Variants in KREMEN1 observed in about 807,000 individuals in gnomAD.
KREMEN1 encodes kremen protein 1.
Under a neutral mutation model 46.5 loss-of-function variants are expected in KREMEN1, and 30 were observed. The observed-to-expected ratio is 0.65, with a 90% CI of 0.48 to 0.88. The LOEUF is 0.88. Among genes scored for constraint, KREMEN1 ranks in the 40% least tolerant of loss-of-function variants. The pLI, the probability that KREMEN1 is intolerant of heterozygous loss-of-function variation, is 0.00. For synonymous variants in KREMEN1, 214 were observed against 230.6 expected (o/e 0.93, Z 0.65); for missense variants, 533 against 596.9 (o/e 0.89, Z 1.11).
At chr22:29,097,073 C>T (rs535780126) in intron 2 of KREMEN1, among the ~76,000 whole-genome samples, 4 of 152,328 alleles carry the variant, frequency 2.6e-5, no homozygotes, top group South Asian at 4.1e-4. Flanking sequence ...AACAAAAGGA[C>T]GCTTTGTACT....
chr22:29,078,587 A>G (rs140066918), intron 1 of KREMEN1, among the ~76,000 whole-genome samples: 12 of 152,340 alleles, frequency 7.9e-5, no homozygotes, highest in Non-Finnish European at 1.5e-4. Context: ...AGTCGTTTTA[A>G]AAAATAACAA....
intron 5 of KREMEN1, among the ~76,000 whole-genome samples, chr22:29,127,001 T>C (rs1206306426): frequency 1.3e-5 from 2 of 152,228 alleles, no homozygotes; most frequent in African/African-American, 4.8e-5. Context: ...ATTCTAGAGT[T>C]CATTATTATA....
chr22:29,088,136 C>A (rs1214334524), intron 1 of KREMEN1, among the ~76,000 whole-genome samples: 2 of 152,108 alleles, frequency 1.3e-5, no homozygotes, highest in African/African-American at 4.8e-5. Context: ...ATCCATTGAA[C>A]GCTAGGATTC....
At position 29,141,936 on chromosome 22, in the gene KREMEN1, C is replaced by G; in HGVS notation, c.1209-8C>G. On this transcript the variant is annotated splice_polypyrimidine_tract_variant and splice_region_variant and intron_variant, in intron 8 of 8. Transcript: ENST00000400335. ...ATCTATTGGAAAAAATATTTATCTGCTTGACAGATCCCATCGTGTTCCTGC... is the reference window on the plus strand; with the variant it reads ...ATCTATTGGAAAAAATATTTATCTGGTTGACAGATCCCATCGTGTTCCTGC... The G allele has an allele frequency of 6.3e-7, 1 of 1,579,396 alleles. No homozygotes were observed. The highest frequency in any genetic ancestry group is 2.3e-5 in the East Asian group (1 of 44,246).
intron 3 of KREMEN1, among the ~76,000 whole-genome samples, chr22:29,106,675 C>T (rs900757283): frequency 1.3e-5 from 2 of 152,164 alleles, no homozygotes; most frequent in Non-Finnish European, 1.5e-5. Flanking sequence ...CCTTTTCCTT[C>T]TAGCACTTGA....
chr22:29,142,539 T>C lies in KREMEN1; in HGVS notation c.*427T>C. 2.0e-6 allele frequency: 2 copies of C among 987,874 alleles called. No individual in the cohort carries two copies. Among genetic ancestry groups the C allele is most frequent in the Non-Finnish European group, 2.4e-6 (2 of 831,624 alleles). 61.2% of individuals were successfully genotyped at this position (987,874 alleles called of 1,614,324 possible). A position where few individuals can be genotyped will look rare whatever the true frequency, so the allele number is the denominator to read the frequency against. On this transcript the variant is annotated 3_prime_UTR_variant, in exon 9 of 9. Coordinates refer to ENST00000400335, the MANE Select transcript of KREMEN1 (RefSeq NM_001039570.3). ...TATTTTTGTCCACACACAAATCAGT[T>C]TCTCCTGATCTTTATGTCTTGGAAC...
chr22:29,148,409 C>A (rs2038888417), downstream of KREMEN1, among the ~76,000 whole-genome samples: 2 of 151,650 alleles, frequency 1.3e-5, no homozygotes, highest in South Asian at 4.2e-4. Flanking sequence ...GGACAGGAGA[C>A]AAGGACTCCC....
chr22:29,141,846 C>A, intron 8 of KREMEN1, 98 bp from the exon 9 acceptor site: 1 of 971,052 alleles, frequency 1.0e-6, no homozygotes, highest in Non-Finnish European at 1.5e-6. Flanking sequence ...CTTCCCAAGA[C>A]CTTGCCCCAC....
intron 1 of KREMEN1, among the ~76,000 whole-genome samples, chr22:29,075,093 G>A (rs2037545882): frequency 6.6e-6 from 1 of 152,168 alleles, no homozygotes; most frequent in Admixed American, 6.5e-5. Flanking sequence ...GGCTCAGTAA[G>A]TGGTTTCTGA....
chr22:29,084,054 C>A (rs1258238037), intron 1 of KREMEN1, among the ~76,000 whole-genome samples: 1 of 152,018 alleles, frequency 6.6e-6, no homozygotes, highest in Non-Finnish European at 1.5e-5. Flanking sequence ...ACTGAGGGAT[C>A]CTCTTTTTTT....
chr22:29,096,698 G>C (rs1481031463), intron 2 of KREMEN1, among the ~76,000 whole-genome samples: 1 of 152,204 alleles, frequency 6.6e-6, no homozygotes, highest in Non-Finnish European at 1.5e-5. Context: ...GGATGAATTT[G>C]CTTGTTCTTT....
At chr22:29,153,814 C>T (rs1014537757) in intron 9 of KREMEN1, among the ~76,000 whole-genome samples, 1 of 152,014 alleles carries the variant, frequency 6.6e-6, no homozygotes, top group East Asian at 1.9e-4. Context: ...AACCCCGTCT[C>T]TACTAAAGAT....
At chr22:29,093,151 A>C (rs1450501167) in intron 1 of KREMEN1, among the ~76,000 whole-genome samples, 1 of 152,156 alleles carries the variant, frequency 6.6e-6, no homozygotes, top group African/African-American at 2.4e-5. Context: ...ATTAAAAGAA[A>C]TATCTGCCAG....
intron 5 of KREMEN1, among the ~76,000 whole-genome samples, chr22:29,135,573 G>A (rs1019464729): frequency 5.3e-5 from 8 of 152,212 alleles, no homozygotes; most frequent in African/African-American, 1.7e-4. Flanking sequence ...CAGGGGGACT[G>A]TGGTCTGCTG....
chr22:29,161,339 G>C (rs141130503), intron 9 of KREMEN1, among the ~76,000 whole-genome samples: 3,742 of 151,282 alleles, frequency 0.025, 61 homozygotes, highest in Middle Eastern at 0.068. Flanking sequence ...AACCCCGTCT[G>C]TACTAAAAAT....
At chr22:29,153,337 A>C (rs938579022) in intron 9 of KREMEN1, among the ~76,000 whole-genome samples, 1 of 152,070 alleles carries the variant, frequency 6.6e-6, no homozygotes, top group African/African-American at 2.4e-5. Flanking sequence ...AATGCAGCCC[A>C]GCTGGTCTCA....
Position 29,137,558 on chromosome 22 carries a change from G to A in KREMEN1, c.848G>A (p.Arg283His), listed in dbSNP as rs752371281. The A allele has an allele frequency of 3.7e-6, 6 of 1,613,742 alleles. No homozygotes were observed. Among genetic ancestry groups the A allele is most frequent in the East Asian group, 2.2e-5 (1 of 44,872 alleles). Residue 283 changes from arginine (R) to histidine (H), a missense_variant, in exon 6 of 9, where the codon CGC (arginine) becomes CAC (histidine). Arg to His is a conservative substitution (Grantham distance 29). Coordinates refer to ENST00000400335, the MANE Select transcript of KREMEN1 (RefSeq NM_001039570.3). ...LDGYTHRVLARFHGRSRPPLS... is the reference protein window; with the variant it reads ...LDGYTHRVLAHFHGRSRPPLS... The stretch of plus-strand genomic sequence containing the variant: ...GGCTACACCCACCGTGTCCTAGCCC[G>A]CTTCCACGGGAGGAGCCGCCCACCT...
intron 3 of KREMEN1, among the ~76,000 whole-genome samples, chr22:29,114,281 C>T (rs1361019075): frequency 6.6e-6 from 1 of 151,640 alleles, no homozygotes; most frequent in Non-Finnish European, 1.5e-5. Flanking sequence ...GTCAGGAGTT[C>T]GAGACCAGCC....
intron 1 of KREMEN1, among the ~76,000 whole-genome samples, chr22:29,088,201 A>G (rs1259075290): frequency 6.6e-6 from 1 of 152,136 alleles, no homozygotes; most frequent in Non-Finnish European, 1.5e-5. Flanking sequence ...CTAACTTTAA[A>G]CAGAATTGTA....
Sources: gnomAD v4.1 joint callset for allele counts (sites outside exome capture counted in the v4.1 genomes callset) on GRCh38, gnomAD v4.1.1 for gene constraint, MANE v1.5 for transcripts, NCBI Gene and HGNC (gene_info 2026-07-23, HGNC 2026-07-21) for gene names.